The following TSC22D1 variants were observed in gnomAD, a reference collection of about 807,000 sequenced individuals.
TSC22D1 encodes the protein TSC22 domain family member 1, also known as TSC22 domain family protein 1.
In TSC22D1, 9 loss-of-function variants were observed where a neutral mutation model predicts 74.2. That is an observed-to-expected ratio of 0.12 (90% CI 0.07 to 0.21). The LOEUF is 0.21. Among genes scored for constraint, TSC22D1 ranks in the 10% least tolerant of loss-of-function variants. The pLI is 1.00. For missense variants in TSC22D1, 1,427 were observed against 1,304.7 expected (o/e 1.09, Z -1.44); for synonymous variants, 586 against 492.5 (o/e 1.19, Z -2.51).
At chr13:44,484,312 T>G (rs1440458238) in intron 1 of TSC22D1, among the ~76,000 whole-genome samples, 1 of 152,202 alleles carries the variant, frequency 6.6e-6, no homozygotes, top group Non-Finnish European at 1.5e-5. Flanking sequence ...GTAACAAGAT[T>G]TCCATTTCTT....
intron 1 of TSC22D1, among the ~76,000 whole-genome samples, chr13:44,467,248 C>G (rs1877341919): frequency 6.6e-6 from 1 of 152,062 alleles, no homozygotes. Context: ...TAAAAATTAA[C>G]TTGAGATAGA....
intron 1 of TSC22D1, among the ~76,000 whole-genome samples, chr13:44,530,069 A>C (rs1318103582): frequency 1.3e-5 from 2 of 152,116 alleles, no homozygotes; most frequent in Non-Finnish European, 2.9e-5. Flanking sequence ...AACTGATTTG[A>C]AAGTCTATGT....
chr13:44,563,344 C>T (rs1883170295), intron 1 of TSC22D1, among the ~76,000 whole-genome samples: 1 of 152,156 alleles, frequency 6.6e-6, no homozygotes. Context: ...CTGTACTGAA[C>T]ATTTTACAAT....
At chr13:44,562,040 T>TTA (rs939693523) in intron 1 of TSC22D1, among the ~76,000 whole-genome samples, 18 of 151,932 alleles carry the variant, frequency 1.2e-4, no homozygotes, top group Admixed American at 7.9e-4. Context: ...CTTTAAAAAA[T>TTA]TATATATATA....
rs2138269744 is a variant in TSC22D1 at position 44,575,367 on chromosome 13, G to A, written c.708C>T (p.His236=). 3.7e-6 allele frequency: 6 copies of A among 1,614,178 alleles called. No homozygotes were observed. The East Asian group carries it at 1.1e-4, about 30-fold the overall frequency. Residue 236 remains histidine, a synonymous_variant, in exon 1 of 3, where the codon CAC becomes CAT. Transcript: ENST00000458659. ...IHHGHHLQHG[H]HHPSHVAVAS... ...CCACAGCAACATGAGATGGATGGTG[G>A]TGACCATGTTGGAGGTGGTGCCCAT... is the stretch of plus-strand genomic sequence containing the variant.
At chr13:44,501,925 C>T (rs1463212760) in intron 1 of TSC22D1, among the ~76,000 whole-genome samples, 5 of 152,168 alleles carry the variant, frequency 3.3e-5, no homozygotes, top group African/African-American at 1.2e-4. Flanking sequence ...AAATTGTACT[C>T]ACATGGCACT....
In TSC22D1 at chr13:44,434,704, G is replaced by A. The variant is rs149395720; in HGVS notation, c.3144C>T (p.Pro1048=). The change falls in exon 3 of 3, where the codon CCC becomes CCT. Residue 1048 remains proline (P), a synonymous_variant. Coordinates refer to ENST00000458659, the MANE Select transcript of TSC22D1 (RefSeq NM_183422.4). The stretch of plus-strand genomic sequence containing the variant: ...TGCCCTGTGGCTGGGTGGTGGCAGG[G>A]GGGGAGCCAGTCTGCAGCTGGGCCT... ...QFQAQLQTGS[P]PATTQPQGTT... is the part of the protein sequence containing the mutation. 4.3e-6 allele frequency: 7 copies of A among 1,611,718 alleles called. No individual in the cohort carries two copies. The Admixed American group carries it at 6.7e-5, about 15-fold the overall frequency.
intron 1 of TSC22D1, chr13:44,539,463 G>A (rs1881336109): frequency 1.0e-6 from 1 of 985,194 alleles, no homozygotes. Flanking sequence ...GCACTTAGAA[G>A]TCCACTAATA....
intron 1 of TSC22D1, among the ~76,000 whole-genome samples, chr13:44,572,537 T>A (rs1883840550): frequency 6.6e-6 from 1 of 152,376 alleles, no homozygotes; most frequent in East Asian, 1.9e-4. Context: ...GTTATTTTGA[T>A]AGTTTATGTC....
At chr13:44,497,054 C>G (rs1379467015) in intron 1 of TSC22D1, among the ~76,000 whole-genome samples, 1 of 152,098 alleles carries the variant, frequency 6.6e-6, no homozygotes, top group Non-Finnish European at 1.5e-5. Context: ...CTCTTCCACT[C>G]TTAGATATTA....
At chr13:44,487,882 AC>A (rs1487494350) in intron 1 of TSC22D1, among the ~76,000 whole-genome samples, 2 of 151,822 alleles carry the variant, frequency 1.3e-5, no homozygotes, top group Non-Finnish European at 2.9e-5. Flanking sequence ...ACGTGGCAAT[AC>A]CCCCACTCTA....
chr13:44,572,416 C>T (rs1399742776), intron 1 of TSC22D1, among the ~76,000 whole-genome samples: 1 of 152,124 alleles, frequency 6.6e-6, no homozygotes, highest in Non-Finnish European at 1.5e-5. Flanking sequence ...ATTTTCACGC[C>T]TCTATAAATT....
intron 1 of TSC22D1, among the ~76,000 whole-genome samples, chr13:44,518,069 G>T (rs1001867664): frequency 2.7e-5 from 4 of 147,922 alleles, no homozygotes; most frequent in African/African-American, 1.0e-4. Context: ...GTCCAGGCTG[G>T]TCTCAAACTC....
chr13:44,503,557 A>G (rs1879309938), intron 1 of TSC22D1, among the ~76,000 whole-genome samples: 1 of 152,202 alleles, frequency 6.6e-6, no homozygotes, highest in Admixed American at 6.5e-5. Context: ...AGTTGTCCCA[A>G]TAGTTTTCTT....
chr13:44,570,505 T>C (rs1367397965), intron 1 of TSC22D1, among the ~76,000 whole-genome samples: 1 of 152,170 alleles, frequency 6.6e-6, no homozygotes, highest in Non-Finnish European at 1.5e-5. Context: ...CATTAAGACC[T>C]TTTAAATAAG....
intron 1 of TSC22D1, among the ~76,000 whole-genome samples, chr13:44,482,595 G>A (rs968810078): frequency 7.9e-5 from 12 of 152,180 alleles, no homozygotes; most frequent in African/African-American, 2.9e-4. Flanking sequence ...AAGTTACACT[G>A]CTAGTAACTG....
At chr13:44,502,507 T>A (rs1195868844) in intron 1 of TSC22D1, among the ~76,000 whole-genome samples, 1 of 152,228 alleles carries the variant, frequency 6.6e-6, no homozygotes, top group Non-Finnish European at 1.5e-5. Flanking sequence ...CCAAGGATGG[T>A]TGATGACCAA....
Position 44,434,773 on chromosome 13 carries a change from A to G in TSC22D1, c.3075T>C (p.Asn1025=), listed in dbSNP as rs1423586172. The change falls in exon 3 of 3, where the codon AAT becomes AAC. Residue 1025 remains asparagine, a synonymous_variant. Transcript: ENST00000458659. ...CAGGACTGGCCAGTGTCTTCAGCAG[A>G]TTGTTCTCCTGCTCCAGCTGGGAAT... is the stretch of plus-strand genomic sequence containing the variant. ...EKNSQLEQEN[N]LLKTLASPEQ... is the part of the protein sequence containing the mutation. 6.2e-7 allele frequency: 1 copy of G among 1,613,988 alleles called. No individual in the cohort carries two copies. Among genetic ancestry groups the G allele is most frequent in the Non-Finnish European group, 8.5e-7 (1 of 1,180,020 alleles).
chr13:44,451,194 C>A (rs1876101498), intron 1 of TSC22D1, among the ~76,000 whole-genome samples: 1 of 152,184 alleles, frequency 6.6e-6, no homozygotes, highest in Non-Finnish European at 1.5e-5. Flanking sequence ...ACGAAATGAG[C>A]CAATGGACAG....
Sources: allele counts gnomAD v4.1 joint callset (sites outside exome capture counted in the v4.1 genomes callset), GRCh38; gene constraint gnomAD v4.1.1; transcripts MANE v1.5; gene names NCBI Gene and HGNC (gene_info 2026-07-23, HGNC 2026-07-21).